The following ATP6V1D variants were observed in gnomAD, a reference collection of about 807,000 sequenced individuals.
ATP6V1D encodes V-type proton ATPase subunit D.
A neutral mutation model predicts 39.4 loss-of-function variants in ATP6V1D; 20 were observed. The ratio of observed to expected loss-of-function variants is 0.51; its 90% CI spans 0.36 to 0.74. ATP6V1D has a LOEUF of 0.74. Ranked by LOEUF, ATP6V1D falls within the 30% of genes least tolerant of loss-of-function variation. The pLI is 0.00. For missense variants in ATP6V1D, 228 were observed against 291.6 expected (o/e 0.78, Z 1.59); for synonymous variants, 100 against 100.5 (o/e 0.99, Z 0.03).
chr14:67,356,086 A>G (rs1296000900), intron 1 of ATP6V1D, among the ~76,000 whole-genome samples: 3 of 152,186 alleles, frequency 2.0e-5, no homozygotes, highest in Admixed American at 6.5e-5. Flanking sequence ...TTAAGGGGAT[A>G]TAATTTCATA....
intron 8 of ATP6V1D, chr14:67,340,210 G>T: frequency 2.2e-6 from 1 of 457,678 alleles, no homozygotes; most frequent in Non-Finnish European, 3.9e-6. Flanking sequence ...AACCTAAACA[G>T]TTTCTCTGAA....
At chr14:67,344,985 T>A (rs772857312) in intron 6 of ATP6V1D, among the ~76,000 whole-genome samples, 36 of 151,948 alleles carry the variant, frequency 2.4e-4, no homozygotes, top group Non-Finnish European at 3.8e-4. Flanking sequence ...CTCATACCTA[T>A]AATCCCAGCA....
chr14:67,347,524 G>A (rs941147584), intron 4 of ATP6V1D, 71 bp from the exon 5 acceptor site: 40 of 1,276,868 alleles, frequency 3.1e-5, no homozygotes, highest in Admixed American at 6.6e-5. Flanking sequence ...TTTCTGAGAC[G>A]GAGTTTTGCT....
intron 6 of ATP6V1D, 121 bp from the exon 7 acceptor site, chr14:67,343,559 G>A: frequency 1.3e-6 from 1 of 752,776 alleles, no homozygotes; most frequent in Non-Finnish European, 2.2e-6. Flanking sequence ...CTTCTTTTTG[G>A]CATGCTTAAA....
At chr14:67,355,419 G>A (rs2085678495) in intron 1 of ATP6V1D, among the ~76,000 whole-genome samples, 1 of 101,142 alleles carries the variant, frequency 9.9e-6, no homozygotes, top group Non-Finnish European at 1.8e-5. Flanking sequence ...GTGGAGCCCA[G>A]TTCGAGGATG....
chr14:67,357,872 G>C (rs1486559505), intron 1 of ATP6V1D, among the ~76,000 whole-genome samples: 1 of 152,186 alleles, frequency 6.6e-6, no homozygotes, highest in Non-Finnish European at 1.5e-5. Context: ...CAGACTGGGA[G>C]ACAAAGCCCC....
chr14:67,359,095 CCT>C (rs2085707916), intron 1 of ATP6V1D, among the ~76,000 whole-genome samples: 1 of 152,166 alleles, frequency 6.6e-6, no homozygotes, highest in Non-Finnish European at 1.5e-5. Flanking sequence ...ACAGGGATAT[CCT>C]CTCACAGCAG....
intron 6 of ATP6V1D, among the ~76,000 whole-genome samples, chr14:67,344,787 C>T (rs1008199069): frequency 6.6e-6 from 1 of 151,528 alleles, no homozygotes; most frequent in Non-Finnish European, 1.5e-5. Context: ...GAGGCTGAGG[C>T]GGGAGACTGC....
chr14:67,348,822 A>C, intron 4 of ATP6V1D: 1 of 479,292 alleles, frequency 2.1e-6, no homozygotes, highest in Non-Finnish European at 3.7e-6. Flanking sequence ...GCCCAGCCGG[A>C]ACCTGCCTTC....
rs1199338491 is a variant in ATP6V1D at position 67,352,980 on chromosome 14, C to A, written c.102G>T (p.Lys34Asn). 2 of 1,613,874 alleles carry A rather than the reference C, an allele frequency of 1.2e-6. No individual in the cohort carries two copies. Among genetic ancestry groups the A allele is most frequent in the Non-Finnish European group, 1.7e-6 (2 of 1,179,922 alleles). The part of the protein sequence containing the change: ...KGAQTGRNLL[K>N]KKSDALTLRF... ...GAAGAGTTAAGGCATCAGATTTTTT[C>A]TTCAGGAGGTTTCGACCTGTCTGTG... Residue 34 changes from lysine to asparagine, a missense_variant, in exon 2 of 9, where the codon AAG (lysine) becomes AAT (asparagine). This residue lies in a region of ATP6V1D where 104 missense variants were observed against 120.2 expected (regional missense o/e 0.87). Coordinates refer to ENST00000216442, the MANE Select transcript of ATP6V1D (RefSeq NM_015994.4).
chr14:67,351,816 T>C (rs2085655492), intron 2 of ATP6V1D, among the ~76,000 whole-genome samples: 2 of 151,768 alleles, frequency 1.3e-5, no homozygotes, highest in Non-Finnish European at 2.9e-5. Flanking sequence ...TCACCACACC[T>C]AGTATTAACT....
intron 6 of ATP6V1D, 93 bp from the exon 7 acceptor site, chr14:67,343,531 A>G (rs1379918483): frequency 2.2e-6 from 2 of 901,176 alleles, no homozygotes; most frequent in African/African-American, 1.7e-5. Context: ...TGTAGAAAAC[A>G]TTTGAGAACC....
chr14:67,351,508 T>C (rs1199392695), intron 2 of ATP6V1D, among the ~76,000 whole-genome samples: 1 of 152,192 alleles, frequency 6.6e-6, no homozygotes, highest in Non-Finnish European at 1.5e-5. Flanking sequence ...TTTTTAACTT[T>C]TTATTATTTT....
chr14:67,339,615 A>G (rs2085564735), intron 8 of ATP6V1D, among the ~76,000 whole-genome samples: 1 of 152,200 alleles, frequency 6.6e-6, no homozygotes, highest in African/African-American at 2.4e-5. Flanking sequence ...ATGGACATGC[A>G]TAATTTCTCT....
chr14:67,346,914 C>CT (rs2085622869), intron 5 of ATP6V1D, among the ~76,000 whole-genome samples: 1 of 152,172 alleles, frequency 6.6e-6, no homozygotes, highest in Non-Finnish European at 1.5e-5. Context: ...GCAAGTGATT[C>CT]TACATTGATA....
chr14:67,343,869 A>G (rs1260697397), intron 6 of ATP6V1D, among the ~76,000 whole-genome samples: 1 of 152,232 alleles, frequency 6.6e-6, no homozygotes, highest in Non-Finnish European at 1.5e-5. Flanking sequence ...ATAACAAAAC[A>G]AAAACAAAAT....
intron 6 of ATP6V1D, among the ~76,000 whole-genome samples, chr14:67,344,191 T>C (rs1252326753): frequency 6.6e-6 from 1 of 152,244 alleles, no homozygotes; most frequent in Non-Finnish European, 1.5e-5. Flanking sequence ...GTGACCTCTG[T>C]ATTGTACTCG....
At chr14:67,350,913 A>G (rs1303099061) in intron 2 of ATP6V1D, among the ~76,000 whole-genome samples, 1 of 152,248 alleles carries the variant, frequency 6.6e-6, no homozygotes, top group African/African-American at 2.4e-5. Context: ...GAATAAATGC[A>G]TTGAGAAACA....
chr14:67,339,914 A>G (rs1185207795), intron 8 of ATP6V1D, among the ~76,000 whole-genome samples: 4 of 152,056 alleles, frequency 2.6e-5, no homozygotes, highest in Non-Finnish European at 5.9e-5. Flanking sequence ...AGCCTGGCCA[A>G]CATGGTGAAA....
Sources: gnomAD v4.1 joint callset for allele counts (sites outside exome capture counted in the v4.1 genomes callset) on GRCh38, gnomAD v4.1.1 for gene constraint, gnomAD v4.1.1 regional missense constraint, MANE v1.5 for transcripts, NCBI Gene and HGNC (gene_info 2026-07-23, HGNC 2026-07-21) for gene names.